The following TACC2 variants were observed in gnomAD, a reference collection of about 807,000 sequenced individuals.
The protein encoded by TACC2 is transforming acidic coiled-coil containing protein 2.
TACC2 carries 137 observed loss-of-function variants against 227.3 expected under a neutral mutation model. The ratio of observed to expected loss-of-function variants is 0.60; its 90% CI spans 0.52 to 0.69. TACC2 has a LOEUF of 0.69. TACC2 is among the 30% of genes least tolerant of loss of function. The pLI, the probability that TACC2 is intolerant of heterozygous loss-of-function variation, is 0.00. For missense variants in TACC2, 3,470 were observed against 3,694.4 expected (o/e 0.94, Z 1.57); for synonymous variants, 1,523 against 1,487.5 (o/e 1.02, Z -0.55).
chr10:122,182,176 T>A (rs542941490), intron 7 of TACC2, among the ~76,000 whole-genome samples: 1 of 152,326 alleles, frequency 6.6e-6, no homozygotes, highest in Admixed American at 6.5e-5. Flanking sequence ...TTTGCCTTTT[T>A]GATTAGGGAG....
At chr10:122,075,933 G>T (rs1367126126) in intron 3 of TACC2, among the ~76,000 whole-genome samples, 2 of 152,126 alleles carry the variant, frequency 1.3e-5, no homozygotes, top group Non-Finnish European at 2.9e-5. Context: ...CCAAGTAGCT[G>T]GGATTACAGG....
At chr10:122,215,573 T>G in intron 10 of TACC2, 122 bp downstream of exon 10, 1 of 832,628 alleles carries the variant, frequency 1.2e-6, no homozygotes, top group Non-Finnish European at 2.1e-6. Flanking sequence ...CTTCTTGCAT[T>G]CTGTGTGGAG....
rs755931307 is a variant in TACC2, at chr10:122,082,818, C to A, written c.318C>A (p.His106Gln). 6 of 1,613,748 alleles carry A rather than the reference C, an allele frequency of 3.7e-6. No individual in the cohort carries two copies. The East Asian group carries it at 1.1e-4, about 30-fold the overall frequency. Residue 106 changes from histidine (H) to glutamine (Q), a missense_variant, in exon 4 of 23, where the codon CAC becomes CAA. By Grantham distance (24) the His-to-Gln change is conservative. Coordinates refer to ENST00000369005, the MANE Select transcript of TACC2 (RefSeq NM_206862.4). ...CACCACCGTCCCAGGAGCGAGAGCA[C>A]CCCTCGTCCTCCATGCCCTTTGCCG... ...PSPPPSQERE[H>Q]PSSSMPFAEC...
intron 19 of TACC2, among the ~76,000 whole-genome samples, chr10:122,243,587 T>C (rs2096052637): frequency 6.6e-6 from 1 of 152,114 alleles, no homozygotes; most frequent in South Asian, 2.1e-4. Flanking sequence ...TAAATTGGTA[T>C]AAGAATTTAT....
chr10:122,164,036 G>A (rs1428978057), intron 7 of TACC2: 1 of 1,553,632 alleles, frequency 6.4e-7, no homozygotes, highest in Non-Finnish European at 8.7e-7. Context: ...CGGGGAGGAG[G>A]AGAGGATGCC....
chr10:122,170,357 G>A (rs1019625327), intron 7 of TACC2, among the ~76,000 whole-genome samples: 1 of 132,918 alleles, frequency 7.5e-6, no homozygotes, highest in African/African-American at 2.9e-5. Flanking sequence ...TGCAGCCTCC[G>A]TCTCCTGGGT....
intron 5 of TACC2, among the ~76,000 whole-genome samples, chr10:122,112,627 AGCGCGGGCCGCCTGGCCG>A (rs60040079): frequency 0.75 from 113,201 of 151,712 alleles, 44,549 homozygotes; most frequent in East Asian, 0.93. Context: ...CCGCAGAGGA[AGCGCGGGCCGCCTGGCCG>A]GTACTTGACC....
chr10:122,143,087 G>C (rs550266716), intron 6 of TACC2, among the ~76,000 whole-genome samples: 1 of 152,214 alleles, frequency 6.6e-6, no homozygotes, highest in South Asian at 2.1e-4. Flanking sequence ...TGGTCCCGGG[G>C]CAGGTTCCCG....
chr10:122,195,942 A>T (rs2094554532), intron 8 of TACC2, among the ~76,000 whole-genome samples: 1 of 152,148 alleles, frequency 6.6e-6, no homozygotes, highest in Admixed American at 6.5e-5. Flanking sequence ...ACAGGACCCC[A>T]CTTTGGCCTT....
chr10:122,017,347 G>A (rs138819400), intron 1 of TACC2, among the ~76,000 whole-genome samples: 63 of 152,224 alleles, frequency 4.1e-4, no homozygotes, highest in Admixed American at 6.5e-4. Flanking sequence ...TGCCGCCGCC[G>A]TTTTGGTGAG....
Position 122,141,644 on chromosome 10 carries a change from T to G in TACC2, c.5700-1928T>G, listed in dbSNP as rs2090566502. 1.3e-5 allele frequency among the ~76,000 whole-genome samples: 2 copies of G among 151,992 alleles called. No homozygotes were observed. Among genetic ancestry groups the G allele is most frequent in the African/African-American group, 4.8e-5 (2 of 41,380 alleles). On this transcript the variant is annotated intron_variant, in intron 6 of 22. Transcript: ENST00000369005. This position sits in a 1 kb window ranked among gnomAD's most constrained non-coding sequence, Gnocchi z 4.3. ...TCAGCTGTCACAGAGCTGGCTTTGT[T>G]GTGATTAGCAGCGGGCCACAGATCT...
intron 5 of TACC2, among the ~76,000 whole-genome samples, chr10:122,123,299 C>A (rs1405836216): frequency 1.3e-5 from 2 of 152,216 alleles, no homozygotes; most frequent in Non-Finnish European, 2.9e-5. Flanking sequence ...GCCACCGCGC[C>A]TGGCCTGGTC....
intron 5 of TACC2, among the ~76,000 whole-genome samples, chr10:122,107,795 C>T (rs1476801702): frequency 6.7e-6 from 1 of 149,740 alleles, no homozygotes; most frequent in South Asian, 2.1e-4. Flanking sequence ...CAGTGTACAC[C>T]GTACCCAGTG....
At chr10:122,080,218 TTTTTTTGTTTTTTTTTTGTG>T (rs2079299634) in intron 3 of TACC2, among the ~76,000 whole-genome samples, 3 of 3,998 alleles carry the variant, frequency 7.5e-4, no homozygotes. Context: ...TTCCTTTTTT[TTTTTTTGTTTTTTTTTTGTG>T]TTTTTTTGTT....
intron 3 of TACC2, among the ~76,000 whole-genome samples, chr10:122,071,988 T>C (rs2078129760): frequency 6.9e-6 from 1 of 145,758 alleles, no homozygotes; most frequent in Admixed American, 6.8e-5. Context: ...CTTTTTTTTT[T>C]TTTTTTTTGA....
At chr10:122,149,499 G>A (rs1308938122) in intron 7 of TACC2, among the ~76,000 whole-genome samples, 1 of 137,050 alleles carries the variant, frequency 7.3e-6, no homozygotes, top group South Asian at 2.5e-4. Flanking sequence ...CCACACTCCC[G>A]GCCCCACCCG....
chr10:122,011,380 G>A (rs550085298), intron 1 of TACC2, among the ~76,000 whole-genome samples: 78 of 152,228 alleles, frequency 5.1e-4, no homozygotes, highest in African/African-American at 1.7e-3. Flanking sequence ...GCCAGGCTGG[G>A]GTGCAGTGGC....
intron 5 of TACC2, among the ~76,000 whole-genome samples, chr10:122,129,091 A>G (rs1361682570): frequency 6.7e-6 from 1 of 148,212 alleles, no homozygotes; most frequent in East Asian, 1.9e-4. Context: ...TATTATTATT[A>G]TTATTTGAGA....
chr10:122,167,844 T>C (rs556148821), intron 7 of TACC2, among the ~76,000 whole-genome samples: 83 of 152,320 alleles, frequency 5.4e-4, no homozygotes, highest in African/African-American at 1.7e-3. Context: ...TCGCTGGGGC[T>C]CTAAGCAGGA....
Sources: gnomAD v4.1 joint callset for allele counts (sites outside exome capture counted in the v4.1 genomes callset) on GRCh38, gnomAD v4.1.1 for gene constraint, Gnocchi (gnomAD v3.1) non-coding constraint, MANE v1.5 for transcripts, NCBI Gene and HGNC (gene_info 2026-07-23, HGNC 2026-07-21) for gene names.